The following SUMF1 variants were observed in gnomAD, a reference collection of about 807,000 sequenced individuals.
The protein encoded by SUMF1 is formylglycine-generating enzyme.
SUMF1 carries 48 observed loss-of-function variants against 47.6 expected under a neutral mutation model. The observed-to-expected ratio is 1.01, with a 90% CI of 0.80 to 1.28. The LOEUF (loss-of-function observed/expected upper bound fraction) is 1.28, where lower values mean the gene tolerates loss of function less well. Ranked by LOEUF, SUMF1 falls within the 50% of genes most tolerant of loss-of-function variation. The probability of loss-of-function intolerance (pLI) is 0.00; values close to 1 mark genes in which losing one functional copy is unlikely to be tolerated. For missense variants in SUMF1, 571 were observed against 485.4 expected (o/e 1.18, Z -1.66); for synonymous variants, 230 against 192.1 (o/e 1.20, Z -1.63).
intron 8 of SUMF1, among the ~76,000 whole-genome samples, chr3:4,103,652 T>C (rs1472535215): frequency 6.6e-6 from 1 of 152,208 alleles, no homozygotes; most frequent in East Asian, 1.9e-4. Context: ...TTCACCCCAA[T>C]AGAAAATAAA....
At chr3:4,378,051 T>C (rs868397874) in intron 7 of SUMF1, among the ~76,000 whole-genome samples, 42 of 152,324 alleles carry the variant, frequency 2.8e-4, no homozygotes, top group Admixed American at 1.1e-3. Flanking sequence ...CATTTCCAGG[T>C]ACAGATGCTC....
chr3:4,114,551 C>T (rs879574880), intron 8 of SUMF1, among the ~76,000 whole-genome samples: 2 of 152,062 alleles, frequency 1.3e-5, no homozygotes, highest in Non-Finnish European at 2.9e-5. Context: ...TTTTATAATA[C>T]ATTACATTTT....
At chr3:4,420,498 C>T (rs1701859788) in intron 3 of SUMF1, among the ~76,000 whole-genome samples, 1 of 150,478 alleles carries the variant, frequency 6.6e-6, no homozygotes, top group Admixed American at 6.7e-5. Flanking sequence ...CCAGGTTCAA[C>T]CGATTCTCCT....
chr3:4,325,586 T>C (rs1225256965), intron 8 of SUMF1, among the ~76,000 whole-genome samples: 1 of 146,912 alleles, frequency 6.8e-6, no homozygotes, highest in African/African-American at 2.7e-5. Flanking sequence ...TATGTATGTA[T>C]ATATCTGTGT....
chr3:4,302,738 G>A (rs1352734617), intron 8 of SUMF1, among the ~76,000 whole-genome samples: 2 of 152,140 alleles, frequency 1.3e-5, no homozygotes, highest in Non-Finnish European at 2.9e-5. Flanking sequence ...GAGAGCTTCA[G>A]TGAGGTTGAA....
intron 8 of SUMF1, among the ~76,000 whole-genome samples, chr3:4,293,914 G>A (rs372294370): frequency 6.6e-6 from 1 of 152,176 alleles, no homozygotes; most frequent in African/African-American, 2.4e-5. Context: ...GCAGCCAGAA[G>A]AAAAGTAGTC....
chr3:4,457,029 C>CGTGTGTGTGTATATATATATACGT (rs1559313279), intron 1 of SUMF1, among the ~76,000 whole-genome samples: 3 of 64,732 alleles, frequency 4.6e-5, no homozygotes, highest in East Asian at 4.6e-4. Flanking sequence ...CATATATATA[C>CGTGTGTGTGTATATATATATACGT]GTGTGTGTGT....
rs778017780 is a variant in SUMF1, at chr3:4,467,142, T to C, written c.104A>G (p.Gln35Arg). The C allele has an allele frequency of 1.3e-6, 2 of 1,576,468 alleles. No individual in the cohort carries two copies. The highest frequency in any genetic ancestry group is 1.4e-5 in the African/African-American group (1 of 73,930). Residue 35 changes from glutamine to arginine, a missense_variant, in exon 1 of 9, where the codon CAG (glutamine) becomes CGG (arginine). Transcript: ENST00000272902. ...LSLLCGAAGS[Q>R]EAGTGAGAGS... ...CGCGCCCGCACCGGTCCCGGCCTCC[T>C]GGCTCCCTGCCGCTCCACACAGCAG...
intron 8 of SUMF1, among the ~76,000 whole-genome samples, chr3:4,251,807 C>A (rs1256177932): frequency 3.3e-5 from 5 of 152,092 alleles, no homozygotes; most frequent in Non-Finnish European, 7.4e-5. Flanking sequence ...AAGGCAAGAC[C>A]CTACAATGGC....
intron 9 of SUMF1, among the ~76,000 whole-genome samples, chr3:4,052,115 T>C (rs1167943060): frequency 6.6e-6 from 1 of 152,068 alleles, no homozygotes; most frequent in Non-Finnish European, 1.5e-5. Flanking sequence ...AAGTCCAAGA[T>C]CAAGGCACCA....
At chr3:4,424,824 G>A (rs1450304228) in intron 3 of SUMF1, among the ~76,000 whole-genome samples, 1 of 152,170 alleles carries the variant, frequency 6.6e-6, no homozygotes, top group East Asian at 1.9e-4. Flanking sequence ...CTTAACATAA[G>A]CGAAGGATCA....
intron 8 of SUMF1, among the ~76,000 whole-genome samples, chr3:4,259,221 AC>A (rs1697031948): frequency 6.6e-6 from 1 of 152,030 alleles, no homozygotes; most frequent in African/African-American, 2.4e-5. Context: ...TATGTAAGTA[AC>A]CTGCACAATG....
intron 8 of SUMF1, among the ~76,000 whole-genome samples, chr3:4,294,251 C>T (rs904451596): frequency 2.6e-5 from 4 of 152,062 alleles, no homozygotes; most frequent in African/African-American, 4.8e-5. Flanking sequence ...TTCAGCTCTT[C>T]GGTCACACTA....
intron 8 of SUMF1, among the ~76,000 whole-genome samples, chr3:4,353,098 T>C (rs550194640): frequency 1.2e-4 from 18 of 152,228 alleles, no homozygotes; most frequent in Admixed American, 7.2e-4. Context: ...TCTACAGACA[T>C]TGAACATATT....
At chr3:4,110,764 G>A (rs1468307643) in intron 8 of SUMF1, among the ~76,000 whole-genome samples, 1 of 146,796 alleles carries the variant, frequency 6.8e-6, no homozygotes, top group Non-Finnish European at 1.5e-5. Context: ...AACACCGCAT[G>A]TTCTCACTCA....
intron 8 of SUMF1, chr3:4,317,618 A>G (rs919251672): frequency 6.4e-6 from 1 of 156,638 alleles, no homozygotes; most frequent in Non-Finnish European, 1.4e-5. Context: ...GCTTTTCTTT[A>G]AAAAAATTTT....
At chr3:4,161,609 A>T (rs1341786344) in intron 8 of SUMF1, among the ~76,000 whole-genome samples, 2 of 151,662 alleles carry the variant, frequency 1.3e-5, no homozygotes, top group African/African-American at 4.8e-5. Context: ...GTACTGCCAG[A>T]CTACCACCAA....
intron 3 of SUMF1, among the ~76,000 whole-genome samples, chr3:4,420,642 C>T (rs965236989): frequency 3.3e-5 from 5 of 152,046 alleles, no homozygotes; most frequent in East Asian, 3.9e-4. Flanking sequence ...GTGATCCGCC[C>T]GCCTCGGCCT....
At chr3:4,101,758 T>C (rs1559471368) in intron 8 of SUMF1, among the ~76,000 whole-genome samples, 3 of 152,098 alleles carry the variant, frequency 2.0e-5, no homozygotes, top group South Asian at 2.1e-4. Context: ...CTGTTATCAA[T>C]TTTTTTCAGA....
Sources: gnomAD v4.1 joint callset for allele counts (sites outside exome capture counted in the v4.1 genomes callset) on GRCh38, gnomAD v4.1.1 for gene constraint, MANE v1.5 for transcripts, NCBI Gene and HGNC (gene_info 2026-07-23, HGNC 2026-07-21) for gene names.